IKZF3: variants seen among roughly 807,000 people sequenced by gnomAD.
The protein encoded by IKZF3 is zinc finger protein Aiolos.
A neutral mutation model predicts 49.0 loss-of-function variants in IKZF3; 10 were observed. That is an observed-to-expected ratio of 0.20 (90% confidence interval 0.13 to 0.35). IKZF3 has a LOEUF of 0.35. IKZF3 is among the 10% of genes least tolerant of loss of function. The pLI is 1.00. For synonymous variants in IKZF3, 209 were observed against 228.2 expected (o/e 0.92, Z 0.76); for missense variants, 498 against 664.8 (o/e 0.75, Z 2.76).
Position 39,761,581 on chromosome 17 carries a change from A to ATATATATATATATATATATATATATAC in IKZF3, c.*4208_*4209insGTATATATATATATATATATATATATA, listed in dbSNP as rs1567944278. Reference sequence around the variant, plus strand: ...ATACATACATATATATACATATACAAAAAAAATAAAAATAAATTAAAAAAT... The same window carrying ATATATATATATATATATATATATATAC: ...ATACATACATATATATACATATACAATATATATATATATATATATATATATACAAAAAATAAAAATAAATTAAAAAAT... On this transcript the variant is annotated 3_prime_UTR_variant, in exon 8 of 8. Coordinates refer to ENST00000346872, the MANE Select transcript of IKZF3 (RefSeq NM_012481.5). The ATATATATATATATATATATATATATAC allele has an allele frequency of 2.0e-5, 3 of 146,944 alleles. No individual in the cohort carries two copies. Among genetic ancestry groups the ATATATATATATATATATATATATATAC allele is most frequent in the African/African-American group, 8.0e-5 (3 of 37,714 alleles). 9.1% of individuals were successfully genotyped at this position (146,944 alleles called of 1,614,324 possible).
intron 3 of IKZF3, among the ~76,000 whole-genome samples, chr17:39,822,537 ACTT>A (rs1176566954): frequency 1.3e-5 from 2 of 149,224 alleles, no homozygotes; most frequent in Non-Finnish European, 3.0e-5. Flanking sequence ...AGTCAATTAA[ACTT>A]CTTTTCTTCT....
rs2143554534 is a variant in IKZF3 at position 39,765,491 on chromosome 17, G to T, written c.*299C>A. 7.1e-6 allele frequency: 2 copies of T among 281,588 alleles called. 1 individual carries two copies. The allele number at this position is 281,588 out of a possible 1,614,324, so 17.4% of individuals were successfully genotyped here. A position where few individuals can be genotyped will look rare whatever the true frequency, so the allele number is the denominator to read the frequency against. On this transcript the variant is annotated 3_prime_UTR_variant, in exon 8 of 8. Coordinates refer to ENST00000346872, the MANE Select transcript of IKZF3 (RefSeq NM_012481.5). ...GAATGTTTCATATAGCACATCTCCG[G>T]GACCACTCATTCCACTGCTGTAGAA... is the stretch of plus-strand genomic sequence containing the variant.
At chr17:39,780,633 C>G (rs1200974414) in intron 6 of IKZF3, among the ~76,000 whole-genome samples, 1 of 152,010 alleles carries the variant, frequency 6.6e-6, no homozygotes, top group Non-Finnish European at 1.5e-5. Context: ...GTTGGGATTA[C>G]AGGCATGAGC....
intron 1 of IKZF3, among the ~76,000 whole-genome samples, chr17:39,840,302 T>C (rs2144390860): frequency 6.6e-6 from 1 of 152,314 alleles, no homozygotes; most frequent in South Asian, 2.1e-4. Flanking sequence ...CTGTGGTTGT[T>C]ATGGTTTGTC....
Position 39,829,313 on chromosome 17 carries a change from G to A in IKZF3, c.163+74C>T, listed in dbSNP as rs535493324. The A allele has an allele frequency of 3.4e-5, 33 of 984,476 alleles. No homozygotes were observed. In the African/African-American group the frequency reaches 4.9e-4, roughly 14 times the overall value. The allele number at this position is 984,476 out of a possible 1,614,324, so 61.0% of individuals were successfully genotyped here. ...TACAATTGCAAGTTTTCCTTGGAGA[G>A]CTGATTTCTTCTCTACACTAAGCCT... On this transcript the variant is annotated intron_variant, in intron 3 of 7. Coordinates refer to ENST00000346872, the MANE Select transcript of IKZF3 (RefSeq NM_012481.5).
In IKZF3 at chr17:39,765,909, T is replaced by C. The variant is rs1250710411; in HGVS notation, c.1411A>G (p.Met471Val). ...FLDYVMFTIHMGCHGFRDPFE... is the reference protein window; with the variant it reads ...FLDYVMFTIHVGCHGFRDPFE... ...GGGTCACGGAAGCCGTGGCAGCCCA[T>C]GTGAATCGTGAACATCACATAGTCC... is the stretch of plus-strand genomic sequence containing the variant. The change falls in exon 8 of 8, where the codon ATG becomes GTG. Residue 471 changes from methionine to valine, a missense_variant. Coordinates refer to ENST00000346872, the MANE Select transcript of IKZF3 (RefSeq NM_012481.5). 2 of 1,614,252 alleles carry C rather than the reference T, an allele frequency of 1.2e-6. No homozygotes were observed. Among genetic ancestry groups the C allele is most frequent in the Non-Finnish European group, 1.7e-6 (2 of 1,180,042 alleles).
At chr17:39,812,067 C>G (rs2144108822) in intron 3 of IKZF3, among the ~76,000 whole-genome samples, 1 of 152,308 alleles carries the variant, frequency 6.6e-6, no homozygotes, top group South Asian at 2.1e-4. Flanking sequence ...CCAGTTTAAA[C>G]TTCACTGTCA....
intron 1 of IKZF3, among the ~76,000 whole-genome samples, chr17:39,837,767 T>C (rs73304137): frequency 6.6e-6 from 1 of 151,484 alleles, no homozygotes; most frequent in East Asian, 1.9e-4. Flanking sequence ...GCCTCCCGAG[T>C]AGCTGGGACT....
chr17:39,814,671 T>C (rs1024765227), intron 3 of IKZF3, among the ~76,000 whole-genome samples: 1 of 151,808 alleles, frequency 6.6e-6, no homozygotes, highest in Non-Finnish European at 1.5e-5. Flanking sequence ...AGGCAGAGAT[T>C]AGAGTTATGC....
intron 1 of IKZF3, among the ~76,000 whole-genome samples, chr17:39,855,426 A>G (rs1306170287): frequency 6.6e-6 from 1 of 152,146 alleles, no homozygotes; most frequent in Non-Finnish European, 1.5e-5. Context: ...TATTTGTCCT[A>G]TTATATAGAT....
chr17:39,804,581 T>C (rs2061393476), intron 3 of IKZF3, among the ~76,000 whole-genome samples: 1 of 152,170 alleles, frequency 6.6e-6, no homozygotes, highest in Non-Finnish European at 1.5e-5. Flanking sequence ...GTCTACAAGA[T>C]TCTGATGCTG....
intron 3 of IKZF3, among the ~76,000 whole-genome samples, chr17:39,802,131 A>G (rs1275550652): frequency 7.0e-5 from 10 of 143,820 alleles, no homozygotes. Context: ...CTGAGGCAGG[A>G]GAATGCTGTG....
chr17:39,798,228 T>C (rs956995884), intron 3 of IKZF3, among the ~76,000 whole-genome samples: 8 of 152,328 alleles, frequency 5.3e-5, no homozygotes, highest in Admixed American at 2.0e-4. Flanking sequence ...CAGCCCGTCT[T>C]GTTTGTTGCT....
chr17:39,835,096 C>A, intron 1 of IKZF3: 1 of 441,380 alleles, frequency 2.3e-6, no homozygotes. Context: ...AAGCTGGATC[C>A]CAAGCCATAG....
intron 1 of IKZF3, among the ~76,000 whole-genome samples, chr17:39,838,454 T>C (rs2062367205): frequency 6.6e-6 from 1 of 152,228 alleles, no homozygotes; most frequent in Non-Finnish European, 1.5e-5. Flanking sequence ...AGTTCTAGAA[T>C]TTCCATTTAG....
At chr17:39,781,980 C>T (rs146695724) in intron 6 of IKZF3, among the ~76,000 whole-genome samples, 54 of 152,236 alleles carry the variant, frequency 3.5e-4, no homozygotes, top group African/African-American at 1.0e-3. Flanking sequence ...TCCTCTGAAA[C>T]GAATCTAGAG....
At chr17:39,777,964 C>T in intron 6 of IKZF3, 197 bp from the exon 7 acceptor site, 5 of 1,262,270 alleles carry the variant, frequency 4.0e-6, no homozygotes, top group African/African-American at 1.5e-5. Context: ...TCAAATCTTG[C>T]AGTCTTATGC....
In IKZF3 at chr17:39,792,912, T is replaced by C. The variant is rs562641303; in HGVS notation, c.185A>G (p.Asp62Gly). The C allele has an allele frequency of 1.9e-6, 3 of 1,613,666 alleles. No homozygotes were observed. The South Asian group carries it at 3.3e-5, about 18-fold the overall frequency. ...ATTCTCATCTCTTTCACTGTATTCA[T>C]CTTTCACTTTCATTGAATCATCTGC... ...DIGDDSMKVKDEYSERDENVL... is the reference protein window; with the variant it reads ...DIGDDSMKVKGEYSERDENVL... Residue 62 changes from aspartate (D) to glycine (G), a missense_variant, in exon 4 of 8, where the codon GAT becomes GGT. Coordinates refer to ENST00000346872, the MANE Select transcript of IKZF3 (RefSeq NM_012481.5).
At chr17:39,782,862 T>C (rs1005639566) in intron 6 of IKZF3, among the ~76,000 whole-genome samples, 2 of 152,178 alleles carry the variant, frequency 1.3e-5, no homozygotes, top group South Asian at 2.1e-4. Flanking sequence ...GCCTACTAAA[T>C]AGTAGACATA....
Sources: gnomAD v4.1 joint callset for allele counts (sites outside exome capture counted in the v4.1 genomes callset) on GRCh38, gnomAD v4.1.1 for gene constraint, MANE v1.5 for transcripts, NCBI Gene and HGNC (gene_info 2026-07-23, HGNC 2026-07-21) for gene names.